EPG5: variants seen among roughly 807,000 people sequenced by gnomAD.
EPG5 encodes ectopic P granules protein 5 homolog.
Under a neutral mutation model 302.7 loss-of-function variants are expected in EPG5, and 159 were observed. The observed-to-expected ratio is 0.53, with a 90% CI of 0.46 to 0.60. The LOEUF (loss-of-function observed/expected upper bound fraction) is 0.60, where lower values mean the gene tolerates loss of function less well. Among genes scored for constraint, EPG5 ranks in the 20% least tolerant of loss-of-function variants. EPG5 has a pLI of 0.00. For synonymous variants in EPG5, 1,158 were observed against 1,136.8 expected (o/e 1.02, Z -0.37); for missense variants, 2,896 against 3,092.4 (o/e 0.94, Z 1.51).
At chr18:45,837,085 C>T in the EPG5 span, 1 of 1,611,894 alleles carries the variant, frequency 6.2e-7, no homozygotes, top group Non-Finnish European at 8.5e-7. Flanking sequence ...CACAGAGGTG[C>T]ACAGTAAGTG....
At chr18:45,837,622 C>A in the EPG5 span, 2 of 1,508,684 alleles carry the variant, frequency 1.3e-6, no homozygotes, top group Non-Finnish European at 1.8e-6. Flanking sequence ...GCCACTACGA[C>A]GGGCCGCTGA....
intron 40 of EPG5, among the ~76,000 whole-genome samples, chr18:45,859,743 T>C (rs2048592059): frequency 6.6e-6 from 1 of 152,236 alleles, no homozygotes; most frequent in Non-Finnish European, 1.5e-5. Context: ...TCATGGACTA[T>C]GATTATATAG....
chr18:45,925,086 G>A (rs563535862), intron 14 of EPG5, among the ~76,000 whole-genome samples: 1 of 152,290 alleles, frequency 6.6e-6, no homozygotes, highest in African/African-American at 2.4e-5. Context: ...AAACAACCCT[G>A]ACAATGACAT....
rs139078283 is a variant in EPG5 at position 45,880,872 on chromosome 18, G to A, written c.5519-649C>T. ...GAGCAGGTCTGAGGAGAACGATGGT[G>A]AGGCCAGTTACAATATGTCCAGTGT... On this transcript the variant is annotated intron_variant, in intron 31 of 43. Transcript: ENST00000282041. Among the ~76,000 whole-genome samples the A allele has an allele frequency of 1.6e-4, 24 of 152,332 alleles. No individual in the cohort carries two copies. The East Asian group carries it at 4.4e-3, about 28-fold the overall frequency.
Position 45,954,797 on chromosome 18 carries a change from G to C in EPG5, c.605C>G (p.Pro202Arg). The change falls in exon 2 of 44, where the codon CCA becomes CGA. Residue 202 changes from proline (P) to arginine (R), a missense_variant. Physicochemically the swap from Pro to Arg is moderately radical, Grantham distance 103 (BLOSUM62 -2). Around this residue, in one of 5 missense-constraint regions of EPG5, gnomAD observed 1,390 missense variants for 1,430.0 expected, o/e 0.97. Coordinates refer to ENST00000282041, the MANE Select transcript of EPG5 (RefSeq NM_020964.3). ...PQNVGLQSSC[P>R]AKHGFQTPRV... ...AGGTGTCTGAAAACCATGTTTGGCTGGGCAAGAACTCTGCAAGCCAACATT... is the reference window on the plus strand; with the variant it reads ...AGGTGTCTGAAAACCATGTTTGGCTCGGCAAGAACTCTGCAAGCCAACATT... 1.9e-6 allele frequency: 3 copies of C among 1,614,042 alleles called. No homozygotes were observed. Among genetic ancestry groups the C allele is most frequent in the Non-Finnish European group, 2.5e-6 (3 of 1,179,988 alleles).
intron 36 of EPG5, among the ~76,000 whole-genome samples, chr18:45,869,445 T>C (rs911613849): frequency 2.0e-5 from 3 of 152,176 alleles, no homozygotes; most frequent in Middle Eastern, 3.2e-3. Flanking sequence ...GTGGTCAGGG[T>C]CATCTGCCAT....
chr18:45,910,782 A>G (rs2049875092), intron 22 of EPG5, 40 bp from the exon 23 acceptor site: 1 of 1,516,824 alleles, frequency 6.6e-7, no homozygotes, highest in Non-Finnish European at 9.1e-7. Flanking sequence ...CTTTCAACAC[A>G]AGATGTACTT....
At chr18:45,907,433 G>A (rs993106098) in intron 24 of EPG5, 2 of 152,234 alleles carry the variant, frequency 1.3e-5, no homozygotes, top group African/African-American at 4.8e-5. Flanking sequence ...GTGCCTGGGG[G>A]AGAACAGCTT....
At chr18:45,912,038 T>C (rs1870787038) in intron 22 of EPG5, among the ~76,000 whole-genome samples, 2 of 152,154 alleles carry the variant, frequency 1.3e-5, no homozygotes, top group Admixed American at 1.3e-4. Context: ...TGTGAAACCT[T>C]GCCCAATCCC....
rs62095409 is a variant in EPG5, at chr18:45,916,798, G to A, written c.3240-216C>T. On this transcript the variant is annotated intron_variant, in intron 17 of 43. Coordinates refer to ENST00000282041, the MANE Select transcript of EPG5 (RefSeq NM_020964.3). ...ACAGAGGTATTAAGAACAGATCCACGACACACAAACACATGCAAGTTAAAC... is the reference window on the plus strand; with the variant it reads ...ACAGAGGTATTAAGAACAGATCCACAACACACAAACACATGCAAGTTAAAC... The A allele has an allele frequency of 0.15, 54,208 of 368,702 alleles. 4,398 individuals are homozygous for A. Among genetic ancestry groups the A allele is most frequent in the Non-Finnish European group, 0.17 (33,682 of 202,674 alleles). The allele number at this position is 368,702 out of a possible 1,614,324, so 22.8% of individuals were successfully genotyped here. A position where few individuals can be genotyped will look rare whatever the true frequency, so the allele number is the denominator to read the frequency against.
the EPG5 span, among the ~76,000 whole-genome samples, chr18:45,825,156 AAGGGAGGGAGGGAGGGAGGAAGAG>A: frequency 9.1e-6 from 1 of 109,662 alleles, no homozygotes; most frequent in Non-Finnish European, 1.9e-5. Context: ...GGAGGGAAGG[AAGGGAGGGAGGGAGGGAGGAAGAG>A]AGGGAGGGAG....
intron 1 of EPG5, among the ~76,000 whole-genome samples, chr18:45,966,184 A>G (rs562187650): frequency 3.4e-4 from 51 of 151,932 alleles, no homozygotes; most frequent in African/African-American, 1.2e-3. Context: ...CATCCTGGCT[A>G]ACACGGTGAA....
chr18:45,880,810 A>G (rs1301412567), intron 31 of EPG5, among the ~76,000 whole-genome samples: 1 of 152,144 alleles, frequency 6.6e-6, no homozygotes, highest in Non-Finnish European at 1.5e-5. Context: ...TTCCACCCAG[A>G]GCGAACATGA....
At chr18:45,874,026 A>G (rs536250871) in intron 35 of EPG5, among the ~76,000 whole-genome samples, 1 of 152,374 alleles carries the variant, frequency 6.6e-6, no homozygotes, top group African/African-American at 2.4e-5. Context: ...ATGAACAGGC[A>G]GAGCGCAGAG....
intron 43 of EPG5, among the ~76,000 whole-genome samples, chr18:45,853,299 C>A (rs2048451544): frequency 6.6e-6 from 1 of 152,222 alleles, no homozygotes; most frequent in East Asian, 1.9e-4. Flanking sequence ...ACAAATGACA[C>A]AAAATCATGG....
chr18:45,816,530 C>T, the EPG5 span, among the ~76,000 whole-genome samples: 1 of 152,098 alleles, frequency 6.6e-6, no homozygotes, highest in Admixed American at 6.6e-5. Context: ...TGAAAAAATG[C>T]TCAACATCAC....
At chr18:45,894,047 T>G (rs1487915174) in intron 27 of EPG5, among the ~76,000 whole-genome samples, 1 of 152,216 alleles carries the variant, frequency 6.6e-6, no homozygotes, top group Non-Finnish European at 1.5e-5. Context: ...CCTGACCTTG[T>G]GTAACTCAAA....
At chr18:45,912,544 A>C in intron 21 of EPG5, 88 bp from the exon 22 acceptor site, 1 of 1,243,858 alleles carries the variant, frequency 8.0e-7, no homozygotes, top group East Asian at 2.6e-5. Flanking sequence ...CTGAAACACC[A>C]AACATTCTGT....
chr18:45,851,163 T>C lies in EPG5; in HGVS notation c.*1304A>G, dbSNP rs2048418325. On this transcript the variant is annotated 3_prime_UTR_variant, in exon 44 of 44. Coordinates refer to ENST00000282041, the MANE Select transcript of EPG5 (RefSeq NM_020964.3). ...TCTGTTAACTATATTCCTATACCCCTATAAACATTCTTGGTGGCTGTTTAG... is the reference window on the plus strand; with the variant it reads ...TCTGTTAACTATATTCCTATACCCCCATAAACATTCTTGGTGGCTGTTTAG... The C allele has an allele frequency of 6.6e-6, 1 of 152,170 alleles. No homozygotes were observed. The highest frequency in any genetic ancestry group is 1.5e-5 in the Non-Finnish European group (1 of 68,024). 9.4% of individuals were successfully genotyped at this position (152,170 alleles called of 1,614,324 possible).
Sources: gnomAD v4.1 joint callset for allele counts (sites outside exome capture counted in the v4.1 genomes callset) on GRCh38, gnomAD v4.1.1 for gene constraint, gnomAD v4.1.1 regional missense constraint, MANE v1.5 for transcripts, NCBI Gene and HGNC (gene_info 2026-07-23, HGNC 2026-07-21) for gene names.